The following CREBRF variants were observed in gnomAD, a reference collection of about 807,000 sequenced individuals.
The protein encoded by CREBRF is CREB3 regulatory factor.
Under a neutral mutation model 66.1 loss-of-function variants are expected in CREBRF, and 5 were observed. That is an observed-to-expected ratio of 0.08 (90% CI 0.04 to 0.16). CREBRF has a LOEUF of 0.16. CREBRF is among the 10% of genes least tolerant of loss of function. CREBRF has a pLI of 1.00. For missense variants in CREBRF, 531 were observed against 744.9 expected, an observed-to-expected ratio of 0.71 and a Z score of 3.34; for synonymous variants, 229 against 264.4, an observed-to-expected ratio of 0.87 and a Z score of 1.30.
In CREBRF at chr5:173,137,308, G is replaced by A. The variant is rs1759608915; in HGVS notation, c.*3563G>A. 1 of 151,970 alleles carries A rather than the reference G, an allele frequency of 6.6e-6. No individual in the cohort carries two copies. The highest frequency in any genetic ancestry group is 2.4e-5 in the African/African-American group (1 of 41,416). The allele number at this position is 151,970 out of a possible 1,614,324, so 9.4% of individuals were successfully genotyped here. A position where few individuals can be genotyped will look rare whatever the true frequency, so the allele number is the denominator to read the frequency against. On this transcript the variant is annotated 3_prime_UTR_variant, in exon 9 of 9. Coordinates refer to ENST00000296953, the MANE Select transcript of CREBRF (RefSeq NM_153607.3). Reference sequence around the variant, plus strand: ...AGAACTATTACAAAAGCATCATGAAGGATTTCAGATGGGTATGGTTTCAAA... The same window carrying A: ...AGAACTATTACAAAAGCATCATGAAAGATTTCAGATGGGTATGGTTTCAAA...
In CREBRF at chr5:173,090,475, C is replaced by G; in HGVS notation, c.296C>G (p.Thr99Arg). ...TGGGATACATACTGTGAAGACCTAA[C>G]GAAATATACCAAACTAACCAGCTGT... ...EQWDTYCEDL[T>R]KYTKLTSCDI... Residue 99 changes from threonine to arginine, a missense_variant, in exon 4 of 9, where the codon ACG becomes AGG. Physicochemically the swap from Thr to Arg is moderately conservative, Grantham distance 71. Transcript: ENST00000296953. The surrounding 1 kb of genome is among the most constrained non-coding windows in gnomAD (Gnocchi z 4.5). The G allele has an allele frequency of 6.2e-7, 1 of 1,613,590 alleles. No homozygotes were observed. Among genetic ancestry groups the G allele is most frequent in the Non-Finnish European group, 8.5e-7 (1 of 1,179,578 alleles).
intron 2 of CREBRF, among the ~76,000 whole-genome samples, chr5:173,081,207 C>T (rs1220373884): frequency 1.3e-5 from 2 of 152,184 alleles, no homozygotes; most frequent in African/African-American, 2.4e-5. Context: ...CCCAACCCCT[C>T]TCATCTCTCT....
chr5:173,071,998 T>C (rs927926636), intron 1 of CREBRF, among the ~76,000 whole-genome samples: 1 of 152,150 alleles, frequency 6.6e-6, no homozygotes, highest in Admixed American at 6.5e-5. Flanking sequence ...GAAGTTGCAG[T>C]GAGCTGAGAT....
At chr5:173,096,815 A>G (rs1425143813) in intron 4 of CREBRF, among the ~76,000 whole-genome samples, 1 of 152,092 alleles carries the variant, frequency 6.6e-6, no homozygotes, top group South Asian at 2.1e-4. Context: ...CAGATCTTGA[A>G]GCATGTTGAA....
chr5:173,069,271 T>TG (rs1249395399), intron 1 of CREBRF, among the ~76,000 whole-genome samples: 7 of 152,084 alleles, frequency 4.6e-5, no homozygotes, highest in African/African-American at 1.7e-4. Flanking sequence ...CACAAAATAA[T>TG]GGGGAATTCT....
At chr5:173,128,002 T>TC (rs933048242) in intron 8 of CREBRF, among the ~76,000 whole-genome samples, 7 of 152,040 alleles carry the variant, frequency 4.6e-5, no homozygotes, top group African/African-American at 1.7e-4. Context: ...TTCTACTTTC[T>TC]CCCCCCCAAA....
rs187474441 is a variant in CREBRF, at chr5:173,069,093, G to A, written c.-191-11492G>A. Among the ~76,000 whole-genome samples the A allele has an allele frequency of 5.4e-3, 822 of 151,916 alleles. 9 individuals are homozygous for A. The highest frequency in any genetic ancestry group is 0.019 in the African/African-American group (784 of 41,498). Reference sequence around the variant, plus strand: ...TCTCAAAAAACAAAAAAAAAGAAAAGGATTCTGAGTTGAGTTTGGTTTTAT... The same window carrying A: ...TCTCAAAAAACAAAAAAAAAGAAAAAGATTCTGAGTTGAGTTTGGTTTTAT... On this transcript the variant is annotated intron_variant, in intron 1 of 8. Transcript: ENST00000296953.
At chr5:173,124,919 C>CTTTTTTTTTTTTTTTT (rs373993898) in intron 8 of CREBRF, among the ~76,000 whole-genome samples, 2 of 112,804 alleles carry the variant, frequency 1.8e-5, no homozygotes, top group Admixed American at 9.4e-5. Flanking sequence ...TCTTCTTCTT[C>CTTTTTTTTTTTTTTTT]TTTTTTTTTT....
intron 1 of CREBRF, among the ~76,000 whole-genome samples, chr5:173,064,540 G>T (rs140673116): frequency 6.7e-5 from 10 of 149,102 alleles, no homozygotes; most frequent in African/African-American, 2.5e-4. Context: ...CTACAGGTGC[G>T]CACCACCACA....
rs191940890 is a variant in CREBRF, at chr5:173,132,799, A to G, written c.1805-831A>G. Among the ~76,000 whole-genome samples, 989 of 150,130 alleles carry G rather than the reference A, an allele frequency of 6.6e-3. 22 individuals carry two copies. The highest frequency in any genetic ancestry group is 0.023 in the African/African-American group (929 of 40,820). ...TTTTCAGTAGAGACAGGGTTTCTCC[A>G]TGTTGGTCAGGCTGGTCTTGAACTT... On this transcript the variant is annotated intron_variant, in intron 8 of 8. Transcript: ENST00000296953.
intron 2 of CREBRF, among the ~76,000 whole-genome samples, chr5:173,084,189 A>C (rs1306030931): frequency 6.6e-6 from 1 of 152,210 alleles, no homozygotes; most frequent in African/African-American, 2.4e-5. Flanking sequence ...GATGGGGAAC[A>C]TGTTTTCTAA....
Position 173,110,435 on chromosome 5 carries a change from G to A in CREBRF, c.1418-87G>A, listed in dbSNP as rs753123459. ...ACTTCTGAAAAGAAAAGGTAGTGGTGGGAAGTGGTTAAAAATGTGGCCGTG... is the reference window on the plus strand; with the variant it reads ...ACTTCTGAAAAGAAAAGGTAGTGGTAGGAAGTGGTTAAAAATGTGGCCGTG... On this transcript the variant is annotated intron_variant, in intron 5 of 8. Transcript: ENST00000296953. The A allele has an allele frequency of 2.2e-5, 20 of 895,482 alleles. No homozygotes were observed. In the African/African-American group the frequency reaches 2.4e-4, roughly 11 times the overall value. The allele number at this position is 895,482 out of a possible 1,614,324, so 55.5% of individuals were successfully genotyped here. A position where few individuals can be genotyped will look rare whatever the true frequency, so the allele number is the denominator to read the frequency against.
Position 173,090,877 on chromosome 5 carries a change from A to G in CREBRF, c.698A>G (p.Asp233Gly), listed in dbSNP as rs757281672. The G allele has an allele frequency of 2.5e-6, 4 of 1,614,200 alleles. No homozygotes were observed. Among genetic ancestry groups the G allele is most frequent in the Non-Finnish European group, 3.4e-6 (4 of 1,180,036 alleles). ...GTGAACTTTCATGTTGAATGTAAAG[A>G]CTATGTAAAAAAGGCAAAGGTAAAG... is the stretch of plus-strand genomic sequence containing the variant. ...EKVNFHVECK[D>G]YVKKAKVKIN... Residue 233 changes from aspartate (D) to glycine (G), a missense_variant, in exon 4 of 9, where the codon GAC (aspartate) becomes GGC (glycine). Physicochemically the swap from Asp to Gly is moderately conservative, Grantham distance 94. This residue lies in a region of CREBRF where 309 missense variants were observed against 341.4 expected (regional missense o/e 0.90). Transcript: ENST00000296953. This position sits in a 1 kb window ranked among gnomAD's most constrained non-coding sequence, Gnocchi z 4.5.
chr5:173,127,368 T>G (rs978386735), intron 8 of CREBRF, among the ~76,000 whole-genome samples: 1 of 151,724 alleles, frequency 6.6e-6, no homozygotes, highest in Non-Finnish European at 1.5e-5. Context: ...CAGGATGGTC[T>G]CAAAGTCCTG....
chr5:173,089,356 A>G (rs1404974384), intron 3 of CREBRF, among the ~76,000 whole-genome samples: 3 of 152,102 alleles, frequency 2.0e-5, no homozygotes, highest in Non-Finnish European at 4.4e-5. Context: ...TTTTCCATGC[A>G]TATGTAAACA....
At chr5:173,122,206 A>G (rs1204162382) in intron 7 of CREBRF, among the ~76,000 whole-genome samples, 4 of 151,978 alleles carry the variant, frequency 2.6e-5, no homozygotes, top group Non-Finnish European at 5.9e-5. Flanking sequence ...GGTTCAGGTA[A>G]TTCTCCTGCC....
intron 2 of CREBRF, among the ~76,000 whole-genome samples, chr5:173,084,278 A>G (rs912275507): frequency 6.6e-6 from 1 of 152,144 alleles, no homozygotes. Flanking sequence ...ACAAGACTGA[A>G]AAACAAACTG....
At chr5:173,057,052 C>T (rs1378686057) in intron 1 of CREBRF, among the ~76,000 whole-genome samples, 1 of 147,162 alleles carries the variant, frequency 6.8e-6, no homozygotes, top group Admixed American at 6.7e-5. Flanking sequence ...GGTAGCCGCT[C>T]CCCCTTCTGT....
At chr5:173,099,674 A>G (rs567341229) in intron 4 of CREBRF, among the ~76,000 whole-genome samples, 14 of 151,910 alleles carry the variant, frequency 9.2e-5, no homozygotes, top group African/African-American at 3.1e-4. Context: ...TTGTAGTGGT[A>G]TGCTTTGATT....
Sources: gnomAD v4.1 joint callset for allele counts (sites outside exome capture counted in the v4.1 genomes callset) on GRCh38, gnomAD v4.1.1 for gene constraint, gnomAD v4.1.1 regional missense constraint, Gnocchi (gnomAD v3.1) non-coding constraint, MANE v1.5 for transcripts, NCBI Gene and HGNC (gene_info 2026-07-23, HGNC 2026-07-21) for gene names.